Variants in EIPR1 observed in about 807,000 individuals in gnomAD.
The protein encoded by EIPR1 is EARP complex and GARP complex interacting protein 1.
In EIPR1, 25 loss-of-function variants were observed where a neutral mutation model predicts 48.1. The ratio of observed to expected loss-of-function variants is 0.52; its 90% CI spans 0.38 to 0.73. The LOEUF (loss-of-function observed/expected upper bound fraction) is 0.73, where lower values mean the gene tolerates loss of function less well. Ranked by LOEUF, EIPR1 falls within the 30% of genes least tolerant of loss-of-function variation. The pLI is 0.00. For synonymous variants in EIPR1, 204 were observed against 201.9 expected (o/e 1.01, Z -0.09); for missense variants, 415 against 506.2 (o/e 0.82, Z 1.73).
intron 3 of EIPR1, among the ~76,000 whole-genome samples, chr2:3,264,971 C>T (rs998798414): frequency 1.3e-5 from 2 of 151,720 alleles, no homozygotes; most frequent in Middle Eastern, 3.4e-3. Context: ...AGGCTTGAGC[C>T]ACCGCACCTG....
chr2:3,198,387 GAGACGC>G (rs766306119), intron 5 of EIPR1, among the ~76,000 whole-genome samples: 200 of 152,334 alleles, frequency 1.3e-3, no homozygotes, highest in Non-Finnish European at 2.2e-3. Flanking sequence ...TCATCAGTGA[GAGACGC>G]AGACACTGCG....
chr2:3,269,284 A>C, intron 3 of EIPR1, among the ~76,000 whole-genome samples: 1 of 86,736 alleles, frequency 1.2e-5, no homozygotes, highest in African/African-American at 3.2e-5. Flanking sequence ...CAGTCATGGC[A>C]CTCAGTCATG....
At chr2:3,211,167 A>C (rs541222612) in intron 5 of EIPR1, among the ~76,000 whole-genome samples, 1 of 152,358 alleles carries the variant, frequency 6.6e-6, no homozygotes, top group East Asian at 1.9e-4. Context: ...AATATCAGAA[A>C]TAAAAGGGCA....
At chr2:3,362,035 A>G (rs1670863576) in intron 1 of EIPR1, among the ~76,000 whole-genome samples, 2 of 152,198 alleles carry the variant, frequency 1.3e-5, no homozygotes, top group South Asian at 4.1e-4. Flanking sequence ...TGCTTTCCAA[A>G]TGCGAATCTG....
rs72765352 is a variant in EIPR1 at position 3,331,209 on chromosome 2, T to G, written c.259+6808A>C. Among the ~76,000 whole-genome samples the G allele has an allele frequency of 1.9e-5, 2 of 103,956 alleles. 1 individual carries two copies. Among genetic ancestry groups the G allele is most frequent in the Non-Finnish European group, 3.6e-5 (2 of 55,536 alleles). 68.2% of individuals were successfully genotyped at this position (103,956 alleles called of 152,430 possible). A position where few individuals can be genotyped will look rare whatever the true frequency, so the allele number is the denominator to read the frequency against. ...CTCATATGGTGTGAGCAGAGGCAGG[T>G]GTGTATACACTCATGAGATGTGTCA... On this transcript the variant is annotated intron_variant, in intron 3 of 8. Coordinates refer to ENST00000382125, the MANE Select transcript of EIPR1 (RefSeq NM_003310.5).
chr2:3,197,092 G>T, intron 5 of EIPR1, 75 bp from the exon 6 acceptor site: 1 of 1,518,380 alleles, frequency 6.6e-7, no homozygotes, highest in South Asian at 1.2e-5. Flanking sequence ...AAACGCGAGA[G>T]GATATCGTAT....
At chr2:3,324,194 C>T (rs986261777) in intron 3 of EIPR1, among the ~76,000 whole-genome samples, 2 of 152,206 alleles carry the variant, frequency 1.3e-5, no homozygotes, top group Admixed American at 6.5e-5. Context: ...AGGCACTGCA[C>T]GAGCGACATG....
intron 5 of EIPR1, 72 bp downstream of exon 5, chr2:3,214,077 C>A: frequency 7.1e-7 from 1 of 1,405,460 alleles, no homozygotes; most frequent in Non-Finnish European, 9.9e-7. Flanking sequence ...TCAATTCCCA[C>A]CTATGAGTGA....
Position 3,312,550 on chromosome 2 carries a change from C to T in EIPR1, c.259+25467G>A, listed in dbSNP as rs971800640. Among the ~76,000 whole-genome samples the T allele has an allele frequency of 2.0e-5, 3 of 152,220 alleles. No homozygotes were observed. The highest frequency in any genetic ancestry group is 4.4e-5 in the Non-Finnish European group (3 of 68,040). Reference sequence around the variant, plus strand: ...AAGGCTCCCTCCCACCACTCAGCACCTGCTCATCATTGTCAGCATGTTTCT... The same window carrying T: ...AAGGCTCCCTCCCACCACTCAGCACTTGCTCATCATTGTCAGCATGTTTCT... On this transcript the variant is annotated intron_variant, in intron 3 of 8. Transcript: ENST00000382125. The surrounding 1 kb of genome is among the most constrained non-coding windows in gnomAD (Gnocchi z 5.5).
At chr2:3,308,566 G>C (rs182439095) in intron 3 of EIPR1, among the ~76,000 whole-genome samples, 472 of 152,322 alleles carry the variant, frequency 3.1e-3, no homozygotes, top group Non-Finnish European at 4.7e-3. Context: ...TCAGTCTCCA[G>C]AGAGGAGAAA....
chr2:3,299,624 T>TCTCACACA (rs948461650), intron 3 of EIPR1, among the ~76,000 whole-genome samples: 9 of 136,814 alleles, frequency 6.6e-5, no homozygotes, highest in East Asian at 2.1e-4. Context: ...TCTCTCTCTC[T>TCTCACACA]CACACACACA....
intron 3 of EIPR1, among the ~76,000 whole-genome samples, chr2:3,301,774 G>T (rs2103294400): frequency 6.6e-6 from 1 of 152,334 alleles, no homozygotes; most frequent in African/African-American, 2.4e-5. Flanking sequence ...GCAAGGGATG[G>T]TTAGTCATCT....
At chr2:3,297,100 G>A (rs976039609) in intron 3 of EIPR1, among the ~76,000 whole-genome samples, 1 of 152,234 alleles carries the variant, frequency 6.6e-6, no homozygotes, top group Non-Finnish European at 1.5e-5. Flanking sequence ...GGGATTAGGT[G>A]GGCTTAATTG....
At chr2:3,208,294 A>T in intron 5 of EIPR1, 1 of 556,650 alleles carries the variant, frequency 1.8e-6, no homozygotes, top group Non-Finnish European at 3.1e-6. Context: ...AACCTCACAG[A>T]CCTGAAGGAG....
chr2:3,297,506 G>T (rs901033882), intron 3 of EIPR1, among the ~76,000 whole-genome samples: 1 of 152,246 alleles, frequency 6.6e-6, no homozygotes, highest in African/African-American at 2.4e-5. Context: ...GAAGAGTTGA[G>T]CTACGAGGTT....
chr2:3,299,622 T>TCACACA (rs574613479), intron 3 of EIPR1, among the ~76,000 whole-genome samples: 10,673 of 140,248 alleles, frequency 0.076, 412 homozygotes, highest in East Asian at 0.12. Flanking sequence ...TCTCTCTCTC[T>TCACACA]CTCACACACA....
At chr2:3,199,923 G>T (rs541531769) in intron 5 of EIPR1, among the ~76,000 whole-genome samples, 93 of 129,656 alleles carry the variant, frequency 7.2e-4, no homozygotes, top group African/African-American at 2.5e-3. Context: ...GGGCACACAT[G>T]GGGGGGTGTC....
At chr2:3,197,926 C>T (rs529209432) in intron 5 of EIPR1, among the ~76,000 whole-genome samples, 9 of 152,302 alleles carry the variant, frequency 5.9e-5, no homozygotes, top group South Asian at 2.1e-4. Context: ...CAGGTCCAAA[C>T]GAGCTGCTAG....
chr2:3,201,981 G>A (rs1665051812), intron 5 of EIPR1, among the ~76,000 whole-genome samples: 1 of 152,088 alleles, frequency 6.6e-6, no homozygotes, highest in Non-Finnish European at 1.5e-5. Flanking sequence ...CTGCCACCCA[G>A]GCTGGAGTGC....
Sources: gnomAD v4.1 joint callset for allele counts (sites outside exome capture counted in the v4.1 genomes callset) on GRCh38, gnomAD v4.1.1 for gene constraint, Gnocchi (gnomAD v3.1) non-coding constraint, MANE v1.5 for transcripts, NCBI Gene and HGNC (gene_info 2026-07-23, HGNC 2026-07-21) for gene names.